LCTL: variants seen among roughly 807,000 people sequenced by gnomAD.
The protein encoded by LCTL is lactase-like protein.
LCTL carries 76 observed loss-of-function variants against 75.8 expected under a neutral mutation model. The ratio of observed to expected loss-of-function variants is 1.00; its 90% confidence interval spans 0.83 to 1.21. The LOEUF (loss-of-function observed/expected upper bound fraction) is 1.21, where lower values mean the gene tolerates loss of function less well. Among genes scored for constraint, LCTL ranks in the 50% most tolerant of loss-of-function variants. LCTL has a pLI of 0.00. For synonymous variants in LCTL, 271 were observed against 268.8 expected, an observed-to-expected ratio of 1.01 and a Z score of -0.08; for missense variants, 670 against 712.4, an observed-to-expected ratio of 0.94 and a Z score of 0.68.
intron 11 of LCTL, among the ~76,000 whole-genome samples, 181 bp from the exon 13 acceptor site, chr15:66,550,285 T>C (rs1895548316): frequency 6.6e-6 from 1 of 152,218 alleles, no homozygotes; most frequent in African/African-American, 2.4e-5. Flanking sequence ...ATGTACATCA[T>C]AGTGAGGGAG....
chr15:66,551,644 A>G lies in LCTL; in HGVS notation c.1524+18T>C. On this transcript the variant is annotated intron_variant, in intron 11 of 12. Transcript: ENST00000341509. ...CTTCCTAAAGTTCAGAACAGATAAC[A>G]TTGATAATGAGGCCTACCTCTCTTG... The G allele has an allele frequency of 1.2e-6, 2 of 1,600,950 alleles. No homozygotes were observed. Among genetic ancestry groups the G allele is most frequent in the Non-Finnish European group, 1.7e-6 (2 of 1,168,686 alleles).
At chr15:66,553,382 G>A (rs933404187) in intron 8 of LCTL, 124 bp from the exon 10 acceptor site, 2 of 788,666 alleles carry the variant, frequency 2.5e-6, no homozygotes, top group Non-Finnish European at 1.9e-6. Context: ...TGCATGGGAA[G>A]TATAACCTTA....
chr15:66,553,249 C>T (rs1401784888), exon 9 of LCTL: 4 of 1,553,162 alleles, frequency 2.6e-6, no homozygotes, highest in Non-Finnish European at 3.5e-6. Flanking sequence ...TTGCTCTGCA[C>T]TCTTTCTTCC....
At chr15:66,559,430 G>A (rs1051143225) in intron 6 of LCTL, among the ~76,000 whole-genome samples, 6 of 152,162 alleles carry the variant, frequency 3.9e-5, no homozygotes, top group East Asian at 1.9e-4. Context: ...TCTTCAGGCC[G>A]GGTGCGGTGG....
chr15:66,556,766 G>A (rs1895749031), intron 8 of LCTL, among the ~76,000 whole-genome samples: 1 of 152,168 alleles, frequency 6.6e-6, no homozygotes, highest in Non-Finnish European at 1.5e-5. Context: ...ATCAGAGACT[G>A]TGGAATCGTG....
Position 66,563,896 on chromosome 15 carries a change from G to A in LCTL, c.370+15C>T, listed in dbSNP as rs372361605. 1.9e-5 allele frequency: 31 copies of A among 1,609,014 alleles called. No homozygotes were observed. The highest frequency in any genetic ancestry group is 1.6e-4 in the East Asian group (7 of 44,866). On this transcript the variant is annotated intron_variant, in intron 3 of 12. Transcript: ENST00000341509. ...GGGGCCTCACTTGGGTTCAAGAGGG[G>A]CTTCCCTAGCTCACCTCGGATGCCT... is the stretch of plus-strand genomic sequence containing the variant.
chr15:66,548,616 A>C lies in LCTL; in HGVS notation c.1589-11T>G, dbSNP rs768424509. 1.2e-4 allele frequency: 161 copies of C among 1,379,072 alleles called. 1 individual carries two copies. The highest frequency in any genetic ancestry group is 1.6e-4 in the Non-Finnish European group (151 of 966,324). The allele number at this position is 1,379,072 out of a possible 1,614,324, so 85.4% of individuals were successfully genotyped here. Reference sequence around the variant, plus strand: ...GACTTAGCAAGGGCTCTGAAATGACAAAGAGAACGAGCACCACAAATGAGA... The same window carrying C: ...GACTTAGCAAGGGCTCTGAAATGACCAAGAGAACGAGCACCACAAATGAGA... On this transcript the variant is annotated splice_polypyrimidine_tract_variant and intron_variant, in intron 12 of 12. Coordinates refer to ENST00000341509, the Ensembl canonical transcript of LCTL.
intron 2 of LCTL, 107 bp downstream of exon 3, chr15:66,564,569 T>G: frequency 8.0e-7 from 1 of 1,255,898 alleles, no homozygotes; most frequent in Non-Finnish European, 1.1e-6. Context: ...GGGGATGACA[T>G]TGTCATCAGA....
chr15:66,552,767 A>C (rs1447264682), intron 9 of LCTL, among the ~76,000 whole-genome samples: 3 of 152,132 alleles, frequency 2.0e-5, no homozygotes, highest in African/African-American at 7.2e-5. Context: ...CAGCAAAATA[A>C]ATGTGGGATA....
intron 8 of LCTL, among the ~76,000 whole-genome samples, chr15:66,556,820 G>A (rs368059385): frequency 3.9e-5 from 6 of 152,216 alleles, no homozygotes; most frequent in South Asian, 2.1e-4. Flanking sequence ...AAGATGAAGC[G>A]TTCTGGAGAT....
In LCTL at chr15:66,552,027, T is replaced by G. The variant is rs779904875; in HGVS notation, c.1324+16A>C. The G allele has an allele frequency of 3.2e-5, 52 of 1,604,568 alleles. No homozygotes were observed. Among genetic ancestry groups the G allele is most frequent in the Non-Finnish European group, 4.2e-5 (50 of 1,176,840 alleles). On this transcript the variant is annotated intron_variant, in intron 10 of 12. Coordinates refer to ENST00000341509, the Ensembl canonical transcript of LCTL. ...TTAAACGGGAAAACTGCAGACAATC[T>G]TGGTTTGTGTCTCACCTTTTAGCAT...
chr15:66,553,482 G>A lies in LCTL; in HGVS notation c.923-224C>T, dbSNP rs1301442919. Among the ~76,000 whole-genome samples the A allele has an allele frequency of 5.3e-5, 8 of 152,328 alleles. No individual in the cohort carries two copies. The South Asian group carries it at 1.2e-3, about 24-fold the overall frequency. On this transcript the variant is annotated intron_variant, in intron 8 of 12. Transcript: ENST00000341509. Reference sequence around the variant, plus strand: ...TAAAAATAGCATTTTCAGGCCGGGCGTGGTGGCTCACGCCTATAATCCCAG... The same window carrying A: ...TAAAAATAGCATTTTCAGGCCGGGCATGGTGGCTCACGCCTATAATCCCAG...
At chr15:66,563,578 C>T (rs188866590) in exon 4 of LCTL, 55 of 1,612,648 alleles carry the variant, frequency 3.4e-5, no homozygotes, top group Middle Eastern at 2.0e-4. Flanking sequence ...AGAAGGGCAT[C>T]GATAAGATCA....
intron 4 of LCTL, 147 bp downstream of exon 5, chr15:66,563,369 A>G: frequency 1.8e-6 from 1 of 557,518 alleles, no homozygotes; most frequent in Non-Finnish European, 3.2e-6. Flanking sequence ...AGTCAGAGAG[A>G]TTTTTTCACT....
At chr15:66,548,554 A>G (rs1369493544) in exon 13 of LCTL, 5 of 1,613,848 alleles carry the variant, frequency 3.1e-6, no homozygotes, top group Admixed American at 1.7e-5. Flanking sequence ...GAGGGAGCAG[A>G]CAGTGGGTAC....
intron 12 of LCTL, 38 bp from the exon 14 acceptor site, chr15:66,548,643 C>A: frequency 1.8e-6 from 2 of 1,084,528 alleles, no homozygotes; most frequent in South Asian, 1.3e-5. Flanking sequence ...CAAATGAGAA[C>A]AGGATCATTT....
intron 8 of LCTL, among the ~76,000 whole-genome samples, chr15:66,557,351 T>C (rs961561467): frequency 5.9e-5 from 9 of 152,142 alleles, no homozygotes; most frequent in African/African-American, 2.2e-4. Context: ...TATTTCTCCA[T>C]TGACAGAAAG....
In LCTL at chr15:66,549,962, C is replaced by A. The variant is rs1895535185; in HGVS notation, c.1588+79G>T. The A allele has an allele frequency of 8.3e-6, 8 of 969,562 alleles. No individual in the cohort carries two copies. In the East Asian group the frequency reaches 2.4e-4, roughly 30 times the overall value. 60.1% of individuals were successfully genotyped at this position (969,562 alleles called of 1,614,324 possible). A position where few individuals can be genotyped will look rare whatever the true frequency, so the allele number is the denominator to read the frequency against. Reference sequence around the variant, plus strand: ...GGAAGATTGACTTCAAGTAGAGCCACATTTTGAGATTTTGAAAATGATATG... The same window carrying A: ...GGAAGATTGACTTCAAGTAGAGCCAAATTTTGAGATTTTGAAAATGATATG... On this transcript the variant is annotated intron_variant, in intron 12 of 12. Coordinates refer to ENST00000341509, the Ensembl canonical transcript of LCTL.
chr15:66,563,743 C>T, intron 3 of LCTL, 118 bp from the exon 5 acceptor site: 3 of 868,656 alleles, frequency 3.5e-6, no homozygotes, highest in Non-Finnish European at 5.5e-6. Flanking sequence ...ACCCTCAGCC[C>T]ACCAGCATTC....
Sources: allele counts gnomAD v4.1 joint callset (sites outside exome capture counted in the v4.1 genomes callset), GRCh38; gene constraint gnomAD v4.1.1; transcripts MANE v1.5; gene names NCBI Gene and HGNC (gene_info 2026-07-23, HGNC 2026-07-21).